Variants in UBE3D observed in about 807,000 individuals in gnomAD.
The protein encoded by UBE3D is E3 ubiquitin-protein ligase E3D.
In UBE3D, 48 loss-of-function variants were observed where a neutral mutation model predicts 49.6. The ratio of observed to expected loss-of-function variants is 0.97; its 90% confidence interval spans 0.77 to 1.23. The LOEUF (loss-of-function observed/expected upper bound fraction) is 1.23. Among genes scored for constraint, UBE3D ranks in the 50% most tolerant of loss-of-function variants. The pLI is 0.00. For synonymous variants in UBE3D, 189 were observed against 174.2 expected, an observed-to-expected ratio of 1.08 and a Z score of -0.67; for missense variants, 452 against 468.4, an observed-to-expected ratio of 0.96 and a Z score of 0.32.
chr6:83,030,929 G>A (rs1312228143), intron 5 of UBE3D, among the ~76,000 whole-genome samples: 1 of 152,166 alleles, frequency 6.6e-6, no homozygotes, highest in Non-Finnish European at 1.5e-5. Context: ...GAAAGAGACT[G>A]GCAGTATTTT....
intron 1 of UBE3D, among the ~76,000 whole-genome samples, chr6:83,063,485 C>G (rs918671205): frequency 4.4e-4 from 64 of 146,022 alleles, no homozygotes; most frequent in African/African-American, 1.6e-3. Flanking sequence ...GTCATATATT[C>G]ACAAGGCATT....
At chr6:82,968,495 G>A (rs1170782936) in intron 8 of UBE3D, among the ~76,000 whole-genome samples, 1 of 152,016 alleles carries the variant, frequency 6.6e-6, no homozygotes, top group Non-Finnish European at 1.5e-5. Context: ...TTCCTGCTAT[G>A]AACAATATTA....
intron 5 of UBE3D, among the ~76,000 whole-genome samples, chr6:83,026,924 C>T (rs1177004783): frequency 6.6e-6 from 1 of 152,160 alleles, no homozygotes; most frequent in East Asian, 1.9e-4. Context: ...CTCATCTCCG[C>T]CTCCCAAAGC....
At chr6:83,065,562 CAGAG>C in intron 1 of UBE3D, 76 bp downstream of exon 1, 6 of 1,354,700 alleles carry the variant, frequency 4.4e-6, no homozygotes, top group Middle Eastern at 1.8e-4. Flanking sequence ...ATCCCTCGTA[CAGAG>C]AGAGACTCAC....
At chr6:83,053,816 A>T (rs145921337) in intron 3 of UBE3D, among the ~76,000 whole-genome samples, 2 of 152,322 alleles carry the variant, frequency 1.3e-5, no homozygotes, top group East Asian at 3.9e-4. Flanking sequence ...GAATGTGGAA[A>T]ATGTCACTCA....
chr6:83,034,145 A>G (rs1354370170), intron 5 of UBE3D, among the ~76,000 whole-genome samples: 1 of 152,134 alleles, frequency 6.6e-6, no homozygotes, highest in African/African-American at 2.4e-5. Flanking sequence ...AAAATTGCCC[A>G]TTCTCTTCAT....
At chr6:82,973,902 T>C (rs550313074) in intron 8 of UBE3D, among the ~76,000 whole-genome samples, 10 of 152,262 alleles carry the variant, frequency 6.6e-5, no homozygotes, top group African/African-American at 2.2e-4. Context: ...TTGTGAACTG[T>C]GCATGCCAGG....
At chr6:83,015,619 G>A (rs747194777) in intron 8 of UBE3D, among the ~76,000 whole-genome samples, 4 of 151,986 alleles carry the variant, frequency 2.6e-5, no homozygotes, top group South Asian at 4.2e-4. Flanking sequence ...AGTTATTTTC[G>A]AGTGTAACGC....
At chr6:82,943,033 G>T (rs1311861656) in intron 9 of UBE3D, among the ~76,000 whole-genome samples, 1 of 152,232 alleles carries the variant, frequency 6.6e-6, no homozygotes, top group African/African-American at 2.4e-5. Context: ...GGGCAGAGCT[G>T]CCCAAAGCAT....
At position 83,065,736 on chromosome 6, in the gene UBE3D, AG is replaced by A. The variant is rs1784459047; in HGVS notation, c.-19del. 6.2e-7 allele frequency: 1 copy of A among 1,605,004 alleles called. No individual in the cohort carries two copies. The highest frequency in any genetic ancestry group is 1.3e-5 in the African/African-American group (1 of 74,624). On this transcript the variant is annotated 5_prime_UTR_variant, in exon 1 of 10. Transcript: ENST00000369747. ...GCCGCCATGGCAGGCTTCCAGTCCC[AG>A]ACCGGACCAAGCTGGAGGTTCCGAG...
intron 9 of UBE3D, among the ~76,000 whole-genome samples, chr6:82,931,785 T>C (rs1439339656): frequency 6.6e-6 from 1 of 152,182 alleles, no homozygotes; most frequent in Non-Finnish European, 1.5e-5. Flanking sequence ...ACTTGCCTTA[T>C]CTCAGATGAG....
chr6:83,041,816 T>C (rs1046926332), intron 4 of UBE3D, among the ~76,000 whole-genome samples: 1 of 152,326 alleles, frequency 6.6e-6, no homozygotes, highest in Admixed American at 6.5e-5. Context: ...ATTAATGTAA[T>C]CAAAGATCAA....
intron 8 of UBE3D, among the ~76,000 whole-genome samples, chr6:82,989,073 G>A (rs1582562931): frequency 1.3e-5 from 2 of 152,114 alleles, no homozygotes; most frequent in South Asian, 4.1e-4. Flanking sequence ...TTATAGATAA[G>A]GTTTATGAGA....
rs200236444 is a variant in UBE3D at position 83,002,864 on chromosome 6, T to TA, written c.1010+16108dup. On this transcript the variant is annotated intron_variant, in intron 8 of 9. Transcript: ENST00000369747. ...TCCCAGCCTCCAGAATCCAGATAAA[T>TA]ACATTTCTGTTGTTTATAAATTATC... 6.8e-3 allele frequency among the ~76,000 whole-genome samples: 1,042 copies of TA among 152,318 alleles called. 17 individuals are homozygous for TA. The highest frequency in any genetic ancestry group is 0.024 in the African/African-American group (992 of 41,570).
intron 9 of UBE3D, among the ~76,000 whole-genome samples, chr6:82,915,734 C>T (rs939192234): frequency 2.6e-5 from 4 of 152,152 alleles, no homozygotes; most frequent in African/African-American, 9.7e-5. Context: ...TTGCAAGTTA[C>T]CTTATAAAAG....
intron 6 of UBE3D, 61 bp from the exon 7 acceptor site, chr6:83,022,622 T>C (rs1467301670): frequency 7.8e-7 from 1 of 1,278,954 alleles, no homozygotes; most frequent in South Asian, 1.6e-5. Flanking sequence ...ACTGGCAAGA[T>C]AAGCAAAAAA....
intron 9 of UBE3D, among the ~76,000 whole-genome samples, chr6:82,902,740 A>G (rs973098066): frequency 2.6e-5 from 4 of 152,186 alleles, no homozygotes; most frequent in African/African-American, 7.2e-5. Context: ...AAAATTGTAT[A>G]GAACTCAGTA....
At chr6:83,005,734 C>G (rs1461858549) in intron 8 of UBE3D, among the ~76,000 whole-genome samples, 1 of 151,556 alleles carries the variant, frequency 6.6e-6, no homozygotes, top group Non-Finnish European at 1.5e-5. Context: ...TAGAAGCAAC[C>G]GAAATGTCCA....
At chr6:82,895,600 C>T (rs1771261219) in intron 9 of UBE3D, among the ~76,000 whole-genome samples, 1 of 152,176 alleles carries the variant, frequency 6.6e-6, no homozygotes, top group Non-Finnish European at 1.5e-5. Flanking sequence ...TTGTAAAACA[C>T]TTTATTAAGC....
Sources: allele counts gnomAD v4.1 joint callset (sites outside exome capture counted in the v4.1 genomes callset), GRCh38; gene constraint gnomAD v4.1.1; transcripts MANE v1.5; gene names NCBI Gene and HGNC (gene_info 2026-07-23, HGNC 2026-07-21).